CREB5: variants seen among roughly 807,000 people sequenced by gnomAD.
CREB5 encodes the protein cyclic AMP-responsive element-binding protein 5.
A neutral mutation model predicts 57.1 loss-of-function variants in CREB5; 19 were observed. The ratio of observed to expected loss-of-function variants is 0.33; its 90% CI spans 0.23 to 0.49. CREB5 has a LOEUF of 0.49. Among genes scored for constraint, CREB5 ranks in the 20% least tolerant of loss-of-function variants. The probability of loss-of-function intolerance (pLI) is 0.99; values close to 1 mark genes in which losing one functional copy is unlikely to be tolerated. For missense variants in CREB5, 579 were observed against 671.6 expected (o/e 0.86, Z 1.52); for synonymous variants, 238 against 238.3 (o/e 1.00, Z 0.01).
chr7:28,576,072 C>T (rs921285293), intron 5 of CREB5, among the ~76,000 whole-genome samples: 4 of 152,200 alleles, frequency 2.6e-5, no homozygotes, highest in Non-Finnish European at 4.4e-5. Flanking sequence ...CCCCAGCTCT[C>T]GTCTTCGAAT....
At chr7:28,612,128 C>T (rs938749337) in intron 5 of CREB5, among the ~76,000 whole-genome samples, 3 of 152,120 alleles carry the variant, frequency 2.0e-5, no homozygotes, top group Admixed American at 1.3e-4. Context: ...ACTTAGCTCT[C>T]CAGGTAGCAA....
chr7:28,426,489 C>T (rs1011783709), intron 1 of CREB5, among the ~76,000 whole-genome samples: 4 of 152,192 alleles, frequency 2.6e-5, no homozygotes, highest in Non-Finnish European at 4.4e-5. Context: ...AAGACAGATC[C>T]ACTGTGGTTT....
At chr7:28,797,311 TC>T (rs1482737060) in intron 7 of CREB5, among the ~76,000 whole-genome samples, 1 of 152,238 alleles carries the variant, frequency 6.6e-6, no homozygotes, top group African/African-American at 2.4e-5. Context: ...CCTGTGATAC[TC>T]CTGGCATCAT....
chr7:28,612,492 G>A (rs1797428908), intron 5 of CREB5, among the ~76,000 whole-genome samples: 1 of 151,502 alleles, frequency 6.6e-6, no homozygotes, highest in Non-Finnish European at 1.5e-5. Context: ...TCCAATAATG[G>A]TGAAATAAAA....
chr7:28,361,443 T>C (rs1002548848), intron 1 of CREB5, among the ~76,000 whole-genome samples: 3 of 152,158 alleles, frequency 2.0e-5, no homozygotes, highest in Admixed American at 6.5e-5. Context: ...GATGCCTCTC[T>C]AAGGAAGCAA....
intron 5 of CREB5, among the ~76,000 whole-genome samples, chr7:28,716,626 C>T (rs1454569299): frequency 2.0e-5 from 3 of 152,170 alleles, no homozygotes; most frequent in Non-Finnish European, 4.4e-5. Flanking sequence ...CATTATTAAA[C>T]ATTATATATA....
chr7:28,373,505 AC>A (rs1338163155), intron 1 of CREB5, among the ~76,000 whole-genome samples: 1 of 149,754 alleles, frequency 6.7e-6, no homozygotes, highest in African/African-American at 2.5e-5. Context: ...CAGTAGCGCG[AC>A]CTTGGCTCAC....
At chr7:28,757,685 AAG>A (rs1194025995) in intron 7 of CREB5, among the ~76,000 whole-genome samples, 22 of 152,096 alleles carry the variant, frequency 1.4e-4, no homozygotes, top group African/African-American at 5.3e-4. Context: ...AAAAAAAAAA[AAG>A]AAGTAATAGT....
At chr7:28,548,736 G>C (rs1326428264) in intron 4 of CREB5, among the ~76,000 whole-genome samples, 3 of 152,076 alleles carry the variant, frequency 2.0e-5, no homozygotes, top group Admixed American at 2.0e-4. Flanking sequence ...GGGCCAATTA[G>C]CCCGAATTAT....
chr7:28,493,824 T>C (rs1268524912), intron 2 of CREB5, among the ~76,000 whole-genome samples: 2 of 152,210 alleles, frequency 1.3e-5, no homozygotes, highest in Non-Finnish European at 2.9e-5. Context: ...ATTGGTTTAT[T>C]ACATTGTACA....
chr7:28,462,377 G>A (rs1186842991), intron 1 of CREB5, among the ~76,000 whole-genome samples: 1 of 152,072 alleles, frequency 6.6e-6, no homozygotes, highest in Admixed American at 6.6e-5. Flanking sequence ...CATGAACATC[G>A]ATGTATGAGT....
intron 1 of CREB5, among the ~76,000 whole-genome samples, chr7:28,373,901 A>C (rs1045009089): frequency 3.4e-5 from 4 of 116,596 alleles, no homozygotes; most frequent in Admixed American, 2.8e-4. Flanking sequence ...TTGTTTCTGC[A>C]TCCATATATA....
At chr7:28,429,198 T>C (rs996480466) in intron 1 of CREB5, among the ~76,000 whole-genome samples, 3 of 152,042 alleles carry the variant, frequency 2.0e-5, no homozygotes, top group Non-Finnish European at 4.4e-5. Flanking sequence ...AGCTAATTTT[T>C]GTATTTTTGT....
At chr7:28,742,284 C>T (rs1195606589) in intron 7 of CREB5, among the ~76,000 whole-genome samples, 3 of 151,366 alleles carry the variant, frequency 2.0e-5, no homozygotes, top group South Asian at 4.2e-4. Flanking sequence ...TGAGCAAACC[C>T]GGCCGGGCGC....
chr7:28,348,402 TCTCTCTCACACACACA>T (rs1751456670), intron 1 of CREB5, among the ~76,000 whole-genome samples: 1 of 32,020 alleles, frequency 3.1e-5, no homozygotes, highest in African/African-American at 9.0e-5. Context: ...TCTCTGTCTC[TCTCTCTCACACACACA>T]CACACACACA....
chr7:28,696,791 TAC>T (rs1265903898), intron 5 of CREB5, among the ~76,000 whole-genome samples: 1 of 148,428 alleles, frequency 6.7e-6, no homozygotes, highest in African/African-American at 2.6e-5. Flanking sequence ...CACATACGTA[TAC>T]GTATACGTAT....
intron 6 of CREB5, 137 bp from the exon 7 acceptor site, chr7:28,724,085 C>A: frequency 1.4e-6 from 1 of 691,930 alleles, no homozygotes; most frequent in Non-Finnish European, 2.3e-6. Context: ...CATTGCTTAC[C>A]ACACACCAAA....
rs1007865981 is a variant in CREB5, at chr7:28,819,582, A to C, written c.*303A>C. The C allele has an allele frequency of 7.7e-6, 2 of 260,112 alleles. No homozygotes were observed. The highest frequency in any genetic ancestry group is 4.9e-5 in the Admixed American group (1 of 20,222). The allele number at this position is 260,112 out of a possible 1,614,324, so 16.1% of individuals were successfully genotyped here. On this transcript the variant is annotated 3_prime_UTR_variant, in exon 11 of 11. Transcript: ENST00000357727. Reference sequence around the variant, plus strand: ...TGTATATAGCCATGGTTTCATTCTTATCAGTCCAACCCTTTGCCTGAAACA... The same window carrying C: ...TGTATATAGCCATGGTTTCATTCTTCTCAGTCCAACCCTTTGCCTGAAACA...
intron 1 of CREB5, among the ~76,000 whole-genome samples, chr7:28,470,739 G>C (rs1304947755): frequency 6.6e-6 from 1 of 152,162 alleles, no homozygotes; most frequent in Non-Finnish European, 1.5e-5. Flanking sequence ...GCCAGCATTT[G>C]TTATTGCCTG....
Sources: gnomAD v4.1 joint callset for allele counts (sites outside exome capture counted in the v4.1 genomes callset) on GRCh38, gnomAD v4.1.1 for gene constraint, MANE v1.5 for transcripts, NCBI Gene and HGNC (gene_info 2026-07-23, HGNC 2026-07-21) for gene names.